Variants in HMCN2 observed in about 807,000 individuals in gnomAD.
HMCN2 encodes the protein hemicentin 2, also known as hemicentin-2.
Under a neutral mutation model 377.5 loss-of-function variants are expected in HMCN2, and 325 were observed. That is an observed-to-expected ratio of 0.86 (90% confidence interval 0.79 to 0.94). The LOEUF (loss-of-function observed/expected upper bound fraction) is 0.94, where lower values mean the gene tolerates loss of function less well. Ranked by LOEUF, HMCN2 falls within the 40% of genes least tolerant of loss-of-function variation. The pLI is 0.00. For synonymous variants in HMCN2, 2,007 were observed against 2,046.8 expected, an observed-to-expected ratio of 0.98 and a Z score of 0.53; for missense variants, 4,543 against 4,725.3, an observed-to-expected ratio of 0.96 and a Z score of 1.13.
chr9:130,284,808 C>T, intron 2 of HMCN2, 135 bp downstream of exon 2: 1 of 419,568 alleles, frequency 2.4e-6, no homozygotes, highest in Non-Finnish European at 4.9e-6. Context: ...GTGTGGCTTC[C>T]TTAGGCCATC....
In HMCN2 at chr9:130,360,049, A is replaced by G. The variant is rs1840284022; in HGVS notation, c.5774-379A>G. ...CCCCTAGGGGACGGGGTCTTCTGGTAGGGGGAGGGCAGGGCTGAGTTTGAC... is the reference window on the plus strand; with the variant it reads ...CCCCTAGGGGACGGGGTCTTCTGGTGGGGGGAGGGCAGGGCTGAGTTTGAC... On this transcript the variant is annotated intron_variant, in intron 37 of 97. Coordinates refer to ENST00000683500, the MANE Select transcript of HMCN2 (RefSeq NM_001291815.2). This position sits in a 1 kb window ranked among gnomAD's most constrained non-coding sequence, Gnocchi z 4.7. Among the ~76,000 whole-genome samples, 1 of 151,934 alleles carries G rather than the reference A, an allele frequency of 6.6e-6. No homozygotes were observed. Among genetic ancestry groups the G allele is most frequent in the African/African-American group, 2.4e-5 (1 of 41,348 alleles).
chr9:130,316,740 G>T (rs952889624), intron 15 of HMCN2, among the ~76,000 whole-genome samples: 306 of 152,312 alleles, frequency 2.0e-3, no homozygotes, highest in African/African-American at 7.1e-3. Context: ...GAACCAGCTC[G>T]CTGTCCTCCC....
chr9:130,274,431 A>G (rs1448011734), intron 1 of HMCN2, among the ~76,000 whole-genome samples: 2 of 152,186 alleles, frequency 1.3e-5, no homozygotes, highest in Non-Finnish European at 2.9e-5. Context: ...TCTTTAATAT[A>G]CAGCTGGATG....
chr9:130,425,744 C>G lies in HMCN2; in HGVS notation c.13699C>G (p.Gln4567Glu). 1 of 1,550,418 alleles carries G rather than the reference C, an allele frequency of 6.4e-7. No homozygotes were observed. The highest frequency in any genetic ancestry group is 8.7e-7 in the Non-Finnish European group (1 of 1,146,898). Residue 4567 changes from glutamine (Q) to glutamate (E), a missense_variant, in exon 90 of 98, where the codon CAG becomes GAG. This residue lies in a region of HMCN2 where 1,155 missense variants were observed against 1,157.7 expected (regional missense o/e 1.00). Transcript: ENST00000683500. ...TGGCCAGCTGTTCGTGGGCTCCACACAGCGCTTCTTCCAGGGCGGCCTCCC... is the reference window on the plus strand; with the variant it reads ...TGGCCAGCTGTTCGTGGGCTCCACAGAGCGCTTCTTCCAGGGCGGCCTCCC... ...GPGQLFVGST[Q>E]RFFQGGLPSF...
At chr9:130,389,870 C>T (rs553990997) in intron 62 of HMCN2, among the ~76,000 whole-genome samples, 4 of 152,360 alleles carry the variant, frequency 2.6e-5, no homozygotes, top group African/African-American at 9.6e-5. Flanking sequence ...CCACCGTGCC[C>T]AGCCAGTGCT....
In HMCN2 at chr9:130,368,356, C is replaced by T. The variant is rs1034226626; in HGVS notation, c.6706C>T (p.Leu2236=). 1.3e-5 allele frequency: 13 copies of T among 985,668 alleles called. No homozygotes were observed. Among genetic ancestry groups the T allele is most frequent in the Admixed American group, 1.2e-4 (2 of 16,264 alleles). 61.1% of individuals were successfully genotyped at this position (985,668 alleles called of 1,614,324 possible). A position where few individuals can be genotyped will look rare whatever the true frequency, so the allele number is the denominator to read the frequency against. ...GCTGTTGTACCTGGGACAGGCCCAG[C>T]TGGCTCAGGAAGGAACATACACCTG... The part of the protein sequence containing the change: ...GRLLYLGQAQ[L]AQEGTYTCEC... Residue 2236 remains leucine, a synonymous_variant, in exon 44 of 98, where the codon CTG becomes TTG. Transcript: ENST00000683500.
intron 85 of HMCN2, among the ~76,000 whole-genome samples, chr9:130,417,749 G>A (rs1843775608): frequency 6.6e-6 from 1 of 152,196 alleles, no homozygotes; most frequent in South Asian, 2.1e-4. Context: ...GCCCAGTGAG[G>A]CTAATGTGGG....
At chr9:130,424,137 C>T (rs1844177976) in intron 87 of HMCN2, among the ~76,000 whole-genome samples, 1 of 150,498 alleles carries the variant, frequency 6.6e-6, no homozygotes, top group African/African-American at 2.4e-5. Flanking sequence ...AATGCCACCA[C>T]ACCTGGCTAA....
rs368188998 is a variant in HMCN2, at chr9:130,302,542, T to G, written c.1277-315T>G. On this transcript the variant is annotated intron_variant, in intron 8 of 97. Coordinates refer to ENST00000683500, the MANE Select transcript of HMCN2 (RefSeq NM_001291815.2). ...TGGTCCAGGCTGGCCAACCTTGAAT[T>G]GAATAGTCTAATAAACCACAAAAGC... 1.1e-3 allele frequency among the ~76,000 whole-genome samples: 163 copies of G among 152,192 alleles called. 1 individual carries two copies. Among genetic ancestry groups the G allele is most frequent in the African/African-American group, 3.8e-3 (157 of 41,524 alleles).
At chr9:130,427,654 C>T in intron 92 of HMCN2, 35 bp downstream of exon 92, 1 of 1,535,708 alleles carries the variant, frequency 6.5e-7, no homozygotes. Context: ...AGGAGACGCG[C>T]TCCTCAGACC....
At position 130,308,739 on chromosome 9, in the gene HMCN2, G is replaced by A. The variant is rs886962980; in HGVS notation, c.2200+1173G>A. ...GAGCCCCACTTTAAAAGGTGGCCTT[G>A]CCATGAAATATTCTTCCATCTTCAG... On this transcript the variant is annotated intron_variant, in intron 14 of 97. Transcript: ENST00000683500. This position sits in a 1 kb window ranked among gnomAD's most constrained non-coding sequence, Gnocchi z 4.1. 5.9e-5 allele frequency among the ~76,000 whole-genome samples: 9 copies of A among 152,222 alleles called. No homozygotes were observed. Among genetic ancestry groups the A allele is most frequent in the African/African-American group, 2.2e-4 (9 of 41,446 alleles).
Position 130,395,249 on chromosome 9 carries a change from G to C in HMCN2, c.10813G>C (p.Val3605Leu). 3 of 1,289,492 alleles carry C rather than the reference G, an allele frequency of 2.3e-6. No individual in the cohort carries two copies. Among genetic ancestry groups the C allele is most frequent in the Non-Finnish European group, 3.0e-6 (3 of 988,732 alleles). The allele number at this position is 1,289,492 out of a possible 1,614,324, so 79.9% of individuals were successfully genotyped here. The change falls in exon 71 of 98, where the codon GTG becomes CTG. Residue 3605 changes from valine (V) to leucine (L), a missense_variant. Around this residue, in one of 5 missense-constraint regions of HMCN2, gnomAD observed 1,073 missense variants for 1,319.5 expected, o/e 0.81. Transcript: ENST00000683500. ...NIVGPRGPRF[V>L]VGLAPGQLVL... The stretch of plus-strand genomic sequence containing the variant: ...TGTTGGGCCCCGAGGCCCCCGCTTT[G>C]TGGTCGGCCTGGCCCCAGGGCAGCT...
Position 130,304,736 on chromosome 9 carries a change from C to T in HMCN2, c.1550C>T (p.Pro517Leu), listed in dbSNP as rs996895499. Residue 517 changes from proline (P) to leucine (L), a missense_variant, in exon 11 of 98, where the codon CCG (proline) becomes CTG (leucine). This residue lies in a region of HMCN2 where 547 missense variants were observed against 189.9 expected (regional missense o/e 2.88). Transcript: ENST00000683500. The surrounding 1 kb of genome is among the most constrained non-coding windows in gnomAD (Gnocchi z 4.3). ...AKAQIVVTDP[P>L]PQLVPAPNVT... ...TGTGCTCATGTCCCTGCAGACCCCC[C>T]GCCGCAGCTGGTCCCTGCTCCCAAC... 2.6e-5 allele frequency: 12 copies of T among 463,276 alleles called. No homozygotes were observed. Among genetic ancestry groups the T allele is most frequent in the African/African-American group, 8.0e-5 (4 of 49,942 alleles). The allele number at this position is 463,276 out of a possible 1,614,324, so 28.7% of individuals were successfully genotyped here. A position where few individuals can be genotyped will look rare whatever the true frequency, so the allele number is the denominator to read the frequency against.
intron 15 of HMCN2, among the ~76,000 whole-genome samples, chr9:130,318,423 G>A (rs1295701823): frequency 6.6e-6 from 1 of 152,200 alleles, no homozygotes; most frequent in African/African-American, 2.4e-5. Context: ...GGCTGCCGAG[G>A]GAAGGACCTG....
chr9:130,377,642 C>T lies in HMCN2; in HGVS notation c.8062-7C>T. 3.0e-6 allele frequency: 3 copies of T among 985,948 alleles called. No homozygotes were observed. The highest frequency in any genetic ancestry group is 3.6e-6 in the Non-Finnish European group (3 of 829,962). The allele number at this position is 985,948 out of a possible 1,614,324, so 61.1% of individuals were successfully genotyped here. A position where few individuals can be genotyped will look rare whatever the true frequency, so the allele number is the denominator to read the frequency against. ...CCCTTCCCCTGACCCCCTCATCCTC[C>T]TCACAGCCCGTGACCCCCAGCTCGC... is the stretch of plus-strand genomic sequence containing the variant. On this transcript the variant is annotated splice_region_variant and splice_polypyrimidine_tract_variant and intron_variant, in intron 52 of 97. Coordinates refer to ENST00000683500, the MANE Select transcript of HMCN2 (RefSeq NM_001291815.2).
At chr9:130,402,677 C>A (rs1335594259) in intron 77 of HMCN2, 112 bp from the exon 78 acceptor site, 2 of 540,942 alleles carry the variant, frequency 3.7e-6, no homozygotes, top group Non-Finnish European at 6.0e-6. Context: ...TGTAAATGGG[C>A]AAAGGAGGCA....
chr9:130,316,813 G>T (rs1210315348), intron 15 of HMCN2, among the ~76,000 whole-genome samples: 2 of 152,206 alleles, frequency 1.3e-5, no homozygotes, highest in Non-Finnish European at 2.9e-5. Flanking sequence ...CCAGAAAGCA[G>T]AGATAAGGCC....
chr9:130,385,534 C>T (rs1433613447), intron 59 of HMCN2, 26 bp from the exon 60 acceptor site: 11 of 1,291,802 alleles, frequency 8.5e-6, no homozygotes, highest in African/African-American at 3.1e-5. Flanking sequence ...GCTGCAGCAC[C>T]TCACTCTGCT....
intron 25 of HMCN2, among the ~76,000 whole-genome samples, chr9:130,343,641 A>AGGTGGG: frequency 6.6e-6 from 1 of 152,054 alleles, no homozygotes; most frequent in African/African-American, 2.4e-5. Flanking sequence ...GAGACAGTGG[A>AGGTGGG]AGGTGGGACC....
Sources: allele counts gnomAD v4.1 joint callset (sites outside exome capture counted in the v4.1 genomes callset), GRCh38; gene constraint gnomAD v4.1.1; regional missense constraint gnomAD v4.1.1; non-coding constraint Gnocchi (gnomAD v3.1); transcripts MANE v1.5; gene names NCBI Gene and HGNC (gene_info 2026-07-23, HGNC 2026-07-21).